AP5S1: variants seen among roughly 807,000 people sequenced by gnomAD.
AP5S1 encodes the protein AP-5 complex subunit sigma-1.
In AP5S1, 13 loss-of-function variants were observed where a neutral mutation model predicts 13.9. The observed-to-expected ratio is 0.94, with a 90% CI of 0.61 to 1.49. AP5S1 has a LOEUF of 1.49. AP5S1 is among the 40% of genes most tolerant of loss of function. The pLI, the probability that AP5S1 is intolerant of heterozygous loss-of-function variation, is 0.00. For synonymous variants in AP5S1, 132 were observed against 121.8 expected, an observed-to-expected ratio of 1.08 and a Z score of -0.55; for missense variants, 292 against 272.3, an observed-to-expected ratio of 1.07 and a Z score of -0.51.
At chr20:3,821,956 T>C in intron 1 of AP5S1, 146 bp from the exon 2 acceptor site, 2 of 1,358,688 alleles carry the variant, frequency 1.5e-6, no homozygotes, top group Non-Finnish European at 9.5e-7. Context: ...TGTTATGTGA[T>C]GTTGTTCAGA....
Position 3,824,066 on chromosome 20 carries a change from G to A in AP5S1, c.372G>A (p.Leu124=). The change falls in exon 3 of 3, where the codon CTG becomes CTA. Residue 124 remains leucine (L), a synonymous_variant. Transcript: ENST00000615891. ...WLGVLSLGFA[L]VLDAHENLLL... ...GCGTGCTCTCGTTAGGCTTTGCCCT[G>A]GTGCTGGATGCCCATGAGAACCTGC... 1 of 1,613,944 alleles carries A rather than the reference G, an allele frequency of 6.2e-7. No individual in the cohort carries two copies. Among genetic ancestry groups the A allele is most frequent in the Non-Finnish European group, 8.5e-7 (1 of 1,180,028 alleles).
Position 3,827,640 on chromosome 20 carries a change from A to C in AP5S1, c.*3343A>C, listed in dbSNP as rs1176716564. ...TGATTGGGTCACATACACTGCATGTATGTGAGCCCTGGGATGGGATTGGAT... is the reference window on the plus strand; with the variant it reads ...TGATTGGGTCACATACACTGCATGTCTGTGAGCCCTGGGATGGGATTGGAT... On this transcript the variant is annotated 3_prime_UTR_variant, in exon 3 of 3. Transcript: ENST00000615891. The C allele has an allele frequency of 6.6e-6, 1 of 152,080 alleles. No individual in the cohort carries two copies. The highest frequency in any genetic ancestry group is 1.5e-5 in the Non-Finnish European group (1 of 68,080). The allele number at this position is 152,080 out of a possible 1,614,324, so 9.4% of individuals were successfully genotyped here. A position where few individuals can be genotyped will look rare whatever the true frequency, so the allele number is the denominator to read the frequency against.
chr20:3,820,562 C>T lies in AP5S1; in HGVS notation c.-213C>T, dbSNP rs369043708. On this transcript the variant is annotated 5_prime_UTR_variant, in exon 1 of 3. Coordinates refer to ENST00000615891, the MANE Select transcript of AP5S1 (RefSeq NM_018347.3). ...CACGGGCCGCGCAGCCGCCATTGCT[C>T]TCCTGCCACGGAGGGGAGCGCTTGG... 6.6e-6 allele frequency: 1 copy of T among 152,170 alleles called. No homozygotes were observed. Among genetic ancestry groups the T allele is most frequent in the Non-Finnish European group, 1.5e-5 (1 of 68,008 alleles). 9.4% of individuals were successfully genotyped at this position (152,170 alleles called of 1,614,324 possible).
rs1223821122 is a variant in AP5S1, at chr20:3,825,513, CACAGGTG to C, written c.*1217_*1223del. ...CACATTTCTCCACCAAAGTATATGT[CACAGGTG>C]GCAGGTGGCTGTGGCAGAGCCGTCT... On this transcript the variant is annotated 3_prime_UTR_variant, in exon 3 of 3. Coordinates refer to ENST00000615891, the MANE Select transcript of AP5S1 (RefSeq NM_018347.3). The C allele has an allele frequency of 6.6e-6, 1 of 152,424 alleles. No homozygotes were observed. The highest frequency in any genetic ancestry group is 1.5e-5 in the Non-Finnish European group (1 of 68,228). The allele number at this position is 152,424 out of a possible 1,614,324, so 9.4% of individuals were successfully genotyped here. A position where few individuals can be genotyped will look rare whatever the true frequency, so the allele number is the denominator to read the frequency against.
rs1405793513 is a variant in AP5S1, at chr20:3,828,466, C to G, written c.*4169C>G. On this transcript the variant is annotated 3_prime_UTR_variant, in exon 3 of 3. Transcript: ENST00000615891. ...ATGTATTTTCAGTGACATGCATCTA[C>G]CATTATAGTATCATACAGAAGAGTT... The G allele has an allele frequency of 6.6e-6, 1 of 152,198 alleles. No homozygotes were observed. The highest frequency in any genetic ancestry group is 2.4e-5 in the African/African-American group (1 of 41,456). The allele number at this position is 152,198 out of a possible 1,614,324, so 9.4% of individuals were successfully genotyped here.
Position 3,826,753 on chromosome 20 carries a change from CTT to C in AP5S1, c.*2457_*2458del. 6.6e-6 allele frequency: 1 copy of C among 152,380 alleles called. No individual in the cohort carries two copies. Among genetic ancestry groups the C allele is most frequent in the East Asian group, 1.9e-4 (1 of 5,180 alleles). 9.4% of individuals were successfully genotyped at this position (152,380 alleles called of 1,614,324 possible). A position where few individuals can be genotyped will look rare whatever the true frequency, so the allele number is the denominator to read the frequency against. On this transcript the variant is annotated 3_prime_UTR_variant, in exon 3 of 3. Coordinates refer to ENST00000615891, the MANE Select transcript of AP5S1 (RefSeq NM_018347.3). ...ACACTTCACACTTCTGCCCCAGCCTCTTGGGCTGGGTTTCCACCACAATTTAT... is the reference window on the plus strand; with the variant it reads ...ACACTTCACACTTCTGCCCCAGCCTCGGGCTGGGTTTCCACCACAATTTAT...
At position 3,827,103 on chromosome 20, in the gene AP5S1, C is replaced by T. The variant is rs909001669; in HGVS notation, c.*2806C>T. 1 of 152,216 alleles carries T rather than the reference C, an allele frequency of 6.6e-6. No homozygotes were observed. Among genetic ancestry groups the T allele is most frequent in the African/African-American group, 2.4e-5 (1 of 41,428 alleles). The allele number at this position is 152,216 out of a possible 1,614,324, so 9.4% of individuals were successfully genotyped here. ...TTCTCCCTGCCCCAGGAACCCTGGC[C>T]AAACCACATATCCCTCAGCTTCTTG... On this transcript the variant is annotated 3_prime_UTR_variant, in exon 3 of 3. Transcript: ENST00000615891.
At chr20:3,821,980 AGTGTT>A in intron 1 of AP5S1, 117 bp from the exon 2 acceptor site, 1 of 1,392,648 alleles carries the variant, frequency 7.2e-7, no homozygotes, top group Non-Finnish European at 9.4e-7. Flanking sequence ...TGTTATTCAA[AGTGTT>A]CAGCCTCACT....
rs1482738296 is a variant in AP5S1 at position 3,825,036 on chromosome 20, G to A, written c.*739G>A. On this transcript the variant is annotated 3_prime_UTR_variant, in exon 3 of 3. Transcript: ENST00000615891. ...GCATGCTGGCAGGCCACAGCCCCTGGCTTTGTGCCCACTTAGGCAGTATTA... is the reference window on the plus strand; with the variant it reads ...GCATGCTGGCAGGCCACAGCCCCTGACTTTGTGCCCACTTAGGCAGTATTA... The A allele has an allele frequency of 6.6e-6, 1 of 152,032 alleles. No homozygotes were observed. The highest frequency in any genetic ancestry group is 2.4e-5 in the African/African-American group (1 of 41,346). 9.4% of individuals were successfully genotyped at this position (152,032 alleles called of 1,614,324 possible). A position where few individuals can be genotyped will look rare whatever the true frequency, so the allele number is the denominator to read the frequency against.
rs1285628999 is a variant in AP5S1, at chr20:3,823,868, C to A, written c.177-3C>A. The A allele has an allele frequency of 6.3e-7, 1 of 1,596,396 alleles. No homozygotes were observed. The highest frequency in any genetic ancestry group is 8.5e-7 in the Non-Finnish European group (1 of 1,175,864). On this transcript the variant is annotated splice_polypyrimidine_tract_variant and splice_region_variant and intron_variant, in intron 2 of 2. Transcript: ENST00000615891. ...ACCAGCCTGACCTGCCCACTCTCCCCAGGCAGGTAGAGTCAATGTGTCGGC... is the reference window on the plus strand; with the variant it reads ...ACCAGCCTGACCTGCCCACTCTCCCAAGGCAGGTAGAGTCAATGTGTCGGC...
intron 1 of AP5S1, 22 bp from the exon 2 acceptor site, chr20:3,822,080 A>G (rs2089586792): frequency 1.2e-6 from 2 of 1,604,244 alleles, no homozygotes; most frequent in Admixed American, 1.7e-5. Flanking sequence ...TCACCTTACC[A>G]ATGTCTCTGG....
rs995910172 is a variant in AP5S1 at position 3,820,643 on chromosome 20, C to G, written c.-132C>G. On this transcript the variant is annotated 5_prime_UTR_variant, in exon 1 of 3. Coordinates refer to ENST00000615891, the MANE Select transcript of AP5S1 (RefSeq NM_018347.3). ...AGGCGACGCCTCGACGACAGCGGACCGGAGCTGCAGGGGCAACACATTCAG... is the reference window on the plus strand; with the variant it reads ...AGGCGACGCCTCGACGACAGCGGACGGGAGCTGCAGGGGCAACACATTCAG... The G allele has an allele frequency of 6.6e-6, 1 of 152,418 alleles. No individual in the cohort carries two copies. Among genetic ancestry groups the G allele is most frequent in the Non-Finnish European group, 1.5e-5 (1 of 68,084 alleles). The allele number at this position is 152,418 out of a possible 1,614,324, so 9.4% of individuals were successfully genotyped here. A position where few individuals can be genotyped will look rare whatever the true frequency, so the allele number is the denominator to read the frequency against.
rs143108419 is a variant in AP5S1 at position 3,824,209 on chromosome 20, G to A, written c.515G>A (p.Arg172His). Residue 172 changes from arginine (R) to histidine (H), a missense_variant, in exon 3 of 3, where the codon CGC becomes CAC. By Grantham distance (29) the Arg-to-His change is conservative. Transcript: ENST00000615891. The part of the protein sequence containing the change: ...RADRIEGILT[R>H]FLPHGQLLFL... ...GACCGCATTGAGGGCATCCTCACCC[G>A]CTTCCTGCCACATGGTCAGCTGCTT... 2.0e-4 allele frequency: 324 copies of A among 1,614,166 alleles called. No individual in the cohort carries two copies. The African/African-American group carries it at 3.8e-3, about 19-fold the overall frequency.
In AP5S1 at chr20:3,822,210, T is replaced by A; in HGVS notation, c.93T>A (p.Ala31=). ...CRVLYSCVFG[A]EKSPDDPRPH... Reference sequence around the variant, plus strand: ...TGCTGTACTCCTGCGTCTTCGGTGCTGAGAAGTCACCTGATGACCCACGGC... The same window carrying A: ...TGCTGTACTCCTGCGTCTTCGGTGCAGAGAAGTCACCTGATGACCCACGGC... The change falls in exon 2 of 3, where the codon GCT becomes GCA. Residue 31 remains alanine (A), a synonymous_variant. Transcript: ENST00000615891. The A allele has an allele frequency of 6.2e-7, 1 of 1,614,222 alleles. No individual in the cohort carries two copies. Among genetic ancestry groups the A allele is most frequent in the East Asian group, 2.2e-5 (1 of 44,886 alleles).
In AP5S1 at chr20:3,824,227, AGCT is replaced by A. The variant is rs2089608336; in HGVS notation, c.537_539del (p.Leu180del). On this transcript the variant is annotated inframe_deletion, in exon 3 of 3. Coordinates refer to ENST00000615891, the MANE Select transcript of AP5S1 (RefSeq NM_018347.3). ...CTCACCCGCTTCCTGCCACATGGTC[AGCT>A]GCTTTTCCTCAACGACCAGTTTGTC... The A allele has an allele frequency of 1.2e-6, 2 of 1,614,082 alleles. No homozygotes were observed. The highest frequency in any genetic ancestry group is 3.3e-5 in the Admixed American group (2 of 60,002).
rs561287293 is a variant in AP5S1 at position 3,824,756 on chromosome 20, A to C, written c.*459A>C. On this transcript the variant is annotated 3_prime_UTR_variant, in exon 3 of 3. Transcript: ENST00000615891. ...AAGACCAGCCTGGCCAACATAGTGAAACCCCATCTCTACTAAAAATACAAA... is the reference window on the plus strand; with the variant it reads ...AAGACCAGCCTGGCCAACATAGTGACACCCCATCTCTACTAAAAATACAAA... 2 of 159,144 alleles carry C rather than the reference A, an allele frequency of 1.3e-5. No homozygotes were observed. Among genetic ancestry groups the C allele is most frequent in the African/African-American group, 4.8e-5 (2 of 41,592 alleles). The allele number at this position is 159,144 out of a possible 1,614,324, so 9.9% of individuals were successfully genotyped here.
Position 3,827,656 on chromosome 20 carries a change from G to A in AP5S1, c.*3359G>A, listed in dbSNP as rs2089632340. 6.6e-6 allele frequency: 1 copy of A among 152,258 alleles called. No individual in the cohort carries two copies. Among genetic ancestry groups the A allele is most frequent in the Admixed American group, 6.5e-5 (1 of 15,270 alleles). The allele number at this position is 152,258 out of a possible 1,614,324, so 9.4% of individuals were successfully genotyped here. On this transcript the variant is annotated 3_prime_UTR_variant, in exon 3 of 3. Transcript: ENST00000615891. ...ACTGCATGTATGTGAGCCCTGGGAT[G>A]GGATTGGATCATCTTGTCTCCTTTA... is the stretch of plus-strand genomic sequence containing the variant.
chr20:3,821,166 A>T (rs4813646), intron 1 of AP5S1, among the ~76,000 whole-genome samples: 58,148 of 151,968 alleles, frequency 0.38, 15,132 homozygotes, highest in African/African-American at 0.75. Flanking sequence ...CCCTGGACCA[A>T]GTGAGTTAGT....
chr20:3,822,003 G>C, intron 1 of AP5S1, 99 bp from the exon 2 acceptor site: 1 of 1,460,964 alleles, frequency 6.8e-7, no homozygotes, highest in South Asian at 1.4e-5. Flanking sequence ...ACTGGCCTCT[G>C]GATACACTCC....
Sources: gnomAD v4.1 joint callset for allele counts (sites outside exome capture counted in the v4.1 genomes callset) on GRCh38, gnomAD v4.1.1 for gene constraint, MANE v1.5 for transcripts, NCBI Gene and HGNC (gene_info 2026-07-23, HGNC 2026-07-21) for gene names.